TTC28: variants seen among roughly 807,000 people sequenced by gnomAD.
The protein encoded by TTC28 is tetratricopeptide repeat protein 28.
TTC28 carries 61 observed loss-of-function variants against 198.0 expected under a neutral mutation model. The observed-to-expected ratio is 0.31, with a 90% CI of 0.25 to 0.38. TTC28 has a LOEUF of 0.38. TTC28 is among the 10% of genes least tolerant of loss of function. The pLI is 1.00. For missense variants in TTC28, 2,678 were observed against 3,164.0 expected (o/e 0.85, Z 3.69); for synonymous variants, 1,171 against 1,297.8 (o/e 0.90, Z 2.10).
At chr22:28,634,878 C>A (rs1395424459) in intron 1 of TTC28, among the ~76,000 whole-genome samples, 1 of 151,782 alleles carries the variant, frequency 6.6e-6, no homozygotes, top group African/African-American at 2.4e-5. Flanking sequence ...AGCTGCCACA[C>A]CCGGCCCCAA....
intron 2 of TTC28, among the ~76,000 whole-genome samples, chr22:28,446,603 G>C (rs548462838): frequency 1.3e-5 from 2 of 152,126 alleles, no homozygotes; most frequent in Non-Finnish European, 2.9e-5. Context: ...GCCATGTGAT[G>C]CACCATCTCC....
intron 1 of TTC28, among the ~76,000 whole-genome samples, chr22:28,657,187 G>A (rs2051672792): frequency 6.6e-6 from 1 of 152,096 alleles, no homozygotes; most frequent in African/African-American, 2.4e-5. Context: ...GTTGTGGAGG[G>A]GCTTAGATTA....
rs950327660 is a variant in TTC28 at position 28,058,505 on chromosome 22, T to C, written c.3933-28139A>G. On this transcript the variant is annotated intron_variant, in intron 12 of 22. Coordinates refer to ENST00000397906, the MANE Select transcript of TTC28 (RefSeq NM_001145418.2). ...TTTCTGGGATAAAGCTACATGGTCA[T>C]GCTATATTTGATTTGCTAATGTTTT... Among the ~76,000 whole-genome samples, 6 of 152,146 alleles carry C rather than the reference T, an allele frequency of 3.9e-5. 1 individual carries two copies. The South Asian group carries it at 1.0e-3, about 26-fold the overall frequency.
At chr22:28,480,070 C>A (rs1009257910) in intron 2 of TTC28, among the ~76,000 whole-genome samples, 1 of 152,122 alleles carries the variant, frequency 6.6e-6, no homozygotes, top group South Asian at 2.1e-4. Context: ...TGAGGCAAAG[C>A]CAAATGGGGG....
chr22:28,679,164 C>T (rs1439880766), intron 1 of TTC28, among the ~76,000 whole-genome samples: 1 of 152,218 alleles, frequency 6.6e-6, no homozygotes, highest in Non-Finnish European at 1.5e-5. Context: ...TTGCTCGCCT[C>T]CGGGGACGAA....
At chr22:28,242,620 T>C (rs995873244) in intron 5 of TTC28, among the ~76,000 whole-genome samples, 7 of 152,234 alleles carry the variant, frequency 4.6e-5, no homozygotes, top group African/African-American at 1.7e-4. Context: ...ATTTGTTCTA[T>C]ATCTTAAGGT....
At chr22:28,522,730 G>C (rs535909928) in intron 2 of TTC28, among the ~76,000 whole-genome samples, 10 of 151,916 alleles carry the variant, frequency 6.6e-5, no homozygotes, top group Non-Finnish European at 1.2e-4. Flanking sequence ...CTACCATATG[G>C]ACAAACCTGA....
chr22:28,210,103 C>T (rs1351613348), intron 5 of TTC28, among the ~76,000 whole-genome samples: 1 of 152,130 alleles, frequency 6.6e-6, no homozygotes, highest in East Asian at 1.9e-4. Flanking sequence ...AACTAACAAA[C>T]AGAAAGGACA....
intron 12 of TTC28, among the ~76,000 whole-genome samples, chr22:28,089,584 C>A (rs1001606696): frequency 1.3e-5 from 2 of 151,070 alleles, no homozygotes; most frequent in Non-Finnish European, 2.9e-5. Context: ...TTACTGGGTG[C>A]AGCACACCAG....
At chr22:28,001,256 A>G in intron 15 of TTC28, 118 bp downstream of exon 15, 1 of 1,299,926 alleles carries the variant, frequency 7.7e-7, no homozygotes, top group South Asian at 1.6e-5. Flanking sequence ...TCATAAAATC[A>G]ACACTTTTGA....
intron 3 of TTC28, among the ~76,000 whole-genome samples, chr22:28,300,652 G>A (rs755520082): frequency 1.3e-5 from 2 of 152,138 alleles, no homozygotes; most frequent in Non-Finnish European, 2.9e-5. Flanking sequence ...ATTATCAAGG[G>A]CAACTGGAAA....
chr22:28,638,586 A>T (rs182682194), intron 1 of TTC28, among the ~76,000 whole-genome samples: 1 of 152,176 alleles, frequency 6.6e-6, no homozygotes, highest in Non-Finnish European at 1.5e-5. Flanking sequence ...AGCTCCTACA[A>T]ATCAGTAATA....
chr22:28,035,623 C>G (rs941943566), intron 12 of TTC28, among the ~76,000 whole-genome samples: 1 of 152,180 alleles, frequency 6.6e-6, no homozygotes, highest in African/African-American at 2.4e-5. Flanking sequence ...TCTGCCAATA[C>G]CTGAAAAGGC....
intron 1 of TTC28, among the ~76,000 whole-genome samples, chr22:28,646,023 GCC>G (rs1419895110): frequency 6.6e-6 from 1 of 152,082 alleles, no homozygotes; most frequent in Non-Finnish European, 1.5e-5. Context: ...AGATAATGAT[GCC>G]CATTTTCACC....
rs148313182 is a variant in TTC28, at chr22:27,996,483, G to A, written c.5120-224C>T. On this transcript the variant is annotated intron_variant, in intron 16 of 22. Coordinates refer to ENST00000397906, the MANE Select transcript of TTC28 (RefSeq NM_001145418.2). ...GAATCAATATTGTTCAGCTGTTCAG[G>A]TTAGTGGGGCCTGCTATTTTGCAGA... is the stretch of plus-strand genomic sequence containing the variant. 8.8e-5 allele frequency: 52 copies of A among 592,170 alleles called. No homozygotes were observed. In the African/African-American group the frequency reaches 9.2e-4, roughly 10 times the overall value. The allele number at this position is 592,170 out of a possible 1,614,324, so 36.7% of individuals were successfully genotyped here.
chr22:28,661,883 A>G (rs1436004927), intron 1 of TTC28, among the ~76,000 whole-genome samples: 2 of 152,048 alleles, frequency 1.3e-5, no homozygotes, highest in Non-Finnish European at 2.9e-5. Flanking sequence ...CTGGGATTAC[A>G]GGCATGAGCC....
chr22:28,305,815 C>CA (rs1420956496), intron 3 of TTC28, among the ~76,000 whole-genome samples: 1 of 152,172 alleles, frequency 6.6e-6, no homozygotes, highest in East Asian at 1.9e-4. Flanking sequence ...CAACATTCCT[C>CA]AAAATGAAGC....
intron 2 of TTC28, among the ~76,000 whole-genome samples, chr22:28,516,433 C>T (rs2048787972): frequency 6.6e-6 from 1 of 152,142 alleles, no homozygotes; most frequent in African/African-American, 2.4e-5. Context: ...ATTAAGAATA[C>T]TCATCATTGA....
chr22:28,591,040 C>CACATATATATATATAT (rs1362164401), intron 2 of TTC28, among the ~76,000 whole-genome samples: 1 of 30,752 alleles, frequency 3.3e-5, no homozygotes, highest in African/African-American at 1.6e-4. Context: ...CACACACACA[C>CACATATATATATATAT]ATATATATAT....
Sources: gnomAD v4.1 joint callset for allele counts (sites outside exome capture counted in the v4.1 genomes callset) on GRCh38, gnomAD v4.1.1 for gene constraint, MANE v1.5 for transcripts, NCBI Gene and HGNC (gene_info 2026-07-23, HGNC 2026-07-21) for gene names.